RBFOX1: variants seen among roughly 807,000 people sequenced by gnomAD.
The protein encoded by RBFOX1 is RNA binding fox-1 homolog 1, also known as RNA binding protein fox-1 homolog 1.
A neutral mutation model predicts 57.7 loss-of-function variants in RBFOX1; 8 were observed. The observed-to-expected ratio is 0.14, with a 90% CI of 0.08 to 0.25. The LOEUF is 0.25. Among genes scored for constraint, RBFOX1 ranks in the 10% least tolerant of loss-of-function variants. The pLI is 1.00. For missense variants in RBFOX1, 611 were observed against 548.5 expected (o/e 1.11, Z -1.14); for synonymous variants, 326 against 222.4 (o/e 1.47, Z -4.15).
At chr16:7,193,860 A>G (rs76269126) in intron 4 of RBFOX1, among the ~76,000 whole-genome samples, 1 of 152,240 alleles carries the variant, frequency 6.6e-6, no homozygotes, top group Non-Finnish European at 1.5e-5. Flanking sequence ...CAAGAATGAA[A>G]GAATGACAGA....
intron 2 of RBFOX1, among the ~76,000 whole-genome samples, chr16:6,381,332 C>A (rs898952820): frequency 2.6e-5 from 4 of 152,136 alleles, no homozygotes; most frequent in Non-Finnish European, 4.4e-5. Context: ...CTCCCTCCCA[C>A]CCTTCCATCT....
intron 9 of RBFOX1, among the ~76,000 whole-genome samples, chr16:7,598,987 G>A (rs1366695311): frequency 3.3e-5 from 5 of 152,108 alleles, no homozygotes; most frequent in East Asian, 1.9e-4. Context: ...ATTTTAAAAG[G>A]GGCATCATTC....
intron 3 of RBFOX1, among the ~76,000 whole-genome samples, chr16:5,679,785 A>T (rs752209396): frequency 3.3e-5 from 5 of 152,336 alleles, no homozygotes; most frequent in Non-Finnish European, 5.9e-5. Flanking sequence ...TTTCTGGGTG[A>T]CATTGCATAA....
At chr16:7,439,254 C>A (rs112929200) in intron 4 of RBFOX1, among the ~76,000 whole-genome samples, 3,417 of 152,190 alleles carry the variant, frequency 0.022, 39 homozygotes, top group Middle Eastern at 0.044. Context: ...TATGATCATG[C>A]CCCAGTGGCT....
Position 6,274,924 on chromosome 16 carries a change from A to G in RBFOX1, c.-126-42071A>G, listed in dbSNP as rs150895336. ...TGATGAGAAGGAACCAGTTCTGTCT[A>G]GTGGAAAAGCATTCTGGACAACAGA... is the stretch of plus-strand genomic sequence containing the variant. On this transcript the variant is annotated intron_variant, in intron 1 of 15. Transcript: ENST00000550418. Among the ~76,000 whole-genome samples, 489 of 152,326 alleles carry G rather than the reference A, an allele frequency of 3.2e-3. 1 individual carries two copies. The highest frequency in any genetic ancestry group is 5.7e-3 in the Non-Finnish European group (385 of 68,024).
intron 2 of RBFOX1, among the ~76,000 whole-genome samples, chr16:6,601,747 A>T (rs1185493684): frequency 6.6e-6 from 1 of 152,030 alleles, no homozygotes; most frequent in Non-Finnish European, 1.5e-5. Context: ...GTCAAGAGCA[A>T]GGAAGGAGAA....
chr16:6,964,383 T>G (rs532290376), intron 3 of RBFOX1, among the ~76,000 whole-genome samples: 1 of 152,152 alleles, frequency 6.6e-6, no homozygotes, highest in Admixed American at 6.5e-5. Context: ...ATCTGTGTCG[T>G]TATATATTGG....
chr16:5,674,224 G>A (rs1334639813), intron 3 of RBFOX1, among the ~76,000 whole-genome samples: 1 of 152,206 alleles, frequency 6.6e-6, no homozygotes, highest in Non-Finnish European at 1.5e-5. Context: ...GGAGCATAGG[G>A]TATTCTGAAA....
rs1353711906 is a variant in RBFOX1, at chr16:6,188,702, A to C, written c.-126-128293A>C. ...AAAATCTTGGAAGTAATGAGACTAC[A>C]CTGAATGAAGTGGAGGCGAAAAAAT... On this transcript the variant is annotated intron_variant, in intron 1 of 15. Transcript: ENST00000550418. Among the ~76,000 whole-genome samples, 10 of 152,220 alleles carry C rather than the reference A, an allele frequency of 6.6e-5. No homozygotes were observed. In the East Asian group the frequency reaches 1.9e-3, roughly 29 times the overall value.
At chr16:7,025,919 C>T (rs1028947354) in intron 3 of RBFOX1, among the ~76,000 whole-genome samples, 31 of 152,016 alleles carry the variant, frequency 2.0e-4, no homozygotes, top group African/African-American at 7.0e-4. Context: ...GCCTAGACCC[C>T]TCTCGGGAGC....
chr16:5,576,345 T>C (rs1431911798), intron 2 of RBFOX1, among the ~76,000 whole-genome samples: 1 of 152,188 alleles, frequency 6.6e-6, no homozygotes, highest in Non-Finnish European at 1.5e-5. Flanking sequence ...ATAATCCTTT[T>C]TCCTTTTCTC....
intron 1 of RBFOX1, among the ~76,000 whole-genome samples, chr16:6,222,458 G>C (rs2097380984): frequency 1.3e-5 from 2 of 151,852 alleles, no homozygotes; most frequent in South Asian, 4.2e-4. Context: ...GATAACTGGA[G>C]CTGTGACAAT....
intron 11 of RBFOX1, among the ~76,000 whole-genome samples, chr16:7,634,813 C>G (rs776183658): frequency 3.9e-5 from 6 of 152,306 alleles, no homozygotes; most frequent in African/African-American, 1.2e-4. Flanking sequence ...ATAAACTACT[C>G]TCATCCAGAG....
At chr16:5,534,902 A>T (rs139697477) in intron 2 of RBFOX1, among the ~76,000 whole-genome samples, 1 of 152,354 alleles carries the variant, frequency 6.6e-6, no homozygotes, top group Non-Finnish European at 1.5e-5. Context: ...ATGGGTCGCC[A>T]TATAAAATGA....
rs180950750 is a variant in RBFOX1, at chr16:6,731,125, T to A, written c.-16+76475T>A. 3.3e-5 allele frequency among the ~76,000 whole-genome samples: 5 copies of A among 152,208 alleles called. No homozygotes were observed. In the East Asian group the frequency reaches 7.7e-4, roughly 24 times the overall value. On this transcript the variant is annotated intron_variant, in intron 3 of 15. Coordinates refer to ENST00000550418, the MANE Select transcript of RBFOX1 (RefSeq NM_018723.4). Reference sequence around the variant, plus strand: ...ATATTCCTCCCTTGGAAAGCCTGAATTAGAAGATGAATACAGAGGGACTGC... The same window carrying A: ...ATATTCCTCCCTTGGAAAGCCTGAAATAGAAGATGAATACAGAGGGACTGC...
intron 2 of RBFOX1, among the ~76,000 whole-genome samples, chr16:5,558,506 G>T (rs910322353): frequency 6.6e-6 from 1 of 152,102 alleles, no homozygotes; most frequent in African/African-American, 2.4e-5. Context: ...CTTGTACCCT[G>T]TACAAACTAC....
At chr16:6,459,228 T>C (rs898720066) in intron 2 of RBFOX1, among the ~76,000 whole-genome samples, 4 of 152,046 alleles carry the variant, frequency 2.6e-5, no homozygotes, top group African/African-American at 9.7e-5. Context: ...CCCAGCTACT[T>C]GGGAGGCTGA....
chr16:7,322,510 C>A (rs1180343529), intron 4 of RBFOX1, among the ~76,000 whole-genome samples: 2 of 152,246 alleles, frequency 1.3e-5, no homozygotes, highest in African/African-American at 4.8e-5. Flanking sequence ...CATCTTGCTA[C>A]CTACTTGGAA....
At chr16:5,287,079 A>G (rs1397164087) in intron 1 of RBFOX1, among the ~76,000 whole-genome samples, 1 of 152,220 alleles carries the variant, frequency 6.6e-6, no homozygotes, top group East Asian at 1.9e-4. Flanking sequence ...ATGAGGCAGG[A>G]GGACGGCTTG....
Sources: allele counts gnomAD v4.1 joint callset (sites outside exome capture counted in the v4.1 genomes callset), GRCh38; gene constraint gnomAD v4.1.1; transcripts MANE v1.5; gene names NCBI Gene and HGNC (gene_info 2026-07-23, HGNC 2026-07-21).